ARHGAP29: variants seen among roughly 807,000 people sequenced by gnomAD.
ARHGAP29 encodes rho GTPase-activating protein 29.
ARHGAP29 carries 43 observed loss-of-function variants against 122.6 expected under a neutral mutation model. The ratio of observed to expected loss-of-function variants is 0.35; its 90% CI spans 0.27 to 0.45. ARHGAP29 has a LOEUF of 0.45. Ranked by LOEUF, ARHGAP29 falls within the 20% of genes least tolerant of loss-of-function variation. The pLI is 1.00. For synonymous variants in ARHGAP29, 506 were observed against 497.1 expected (o/e 1.02, Z -0.24); for missense variants, 1,303 against 1,477.2 (o/e 0.88, Z 1.93).
At chr1:94,184,589 A>AT (rs758545472) in intron 18 of ARHGAP29, among the ~76,000 whole-genome samples, 174 of 147,526 alleles carry the variant, frequency 1.2e-3, no homozygotes, top group Middle Eastern at 3.6e-3. Context: ...ACAGAAAAAA[A>AT]TTTTTTTTTT....
chr1:94,260,386 A>G (rs1229642367), intron 1 of ARHGAP29, among the ~76,000 whole-genome samples: 1 of 152,022 alleles, frequency 6.6e-6, no homozygotes, highest in Non-Finnish European at 1.5e-5. Flanking sequence ...GATTTCTTAC[A>G]CTTTCAATTT....
intron 22 of ARHGAP29, among the ~76,000 whole-genome samples, chr1:94,175,361 G>T (rs1231235418): frequency 6.6e-6 from 1 of 152,158 alleles, no homozygotes; most frequent in Non-Finnish European, 1.5e-5. Flanking sequence ...CGAACCCACA[G>T]TCCATGTTTT....
chr1:94,240,306 C>A (rs1218986813), upstream of ARHGAP29, among the ~76,000 whole-genome samples: 2 of 152,124 alleles, frequency 1.3e-5, no homozygotes, highest in African/African-American at 2.4e-5. Flanking sequence ...CCTCTTAAAC[C>A]TTTAAAAAAA....
At chr1:94,284,076 G>T in the ARHGAP29 span, among the ~76,000 whole-genome samples, 3 of 71,738 alleles carry the variant, frequency 4.2e-5, no homozygotes, top group Non-Finnish European at 5.8e-5. Context: ...AAGTTGAAAG[G>T]CAGAAATGGG....
chr1:94,226,844 GATTT>G (rs1488736443), intron 2 of ARHGAP29, among the ~76,000 whole-genome samples: 1 of 151,868 alleles, frequency 6.6e-6, no homozygotes, highest in African/African-American at 2.4e-5. Context: ...CTTCTAAAAA[GATTT>G]ATTTCTAGGA....
intron 12 of ARHGAP29, among the ~76,000 whole-genome samples, chr1:94,200,615 T>C (rs1004447664): frequency 3.3e-5 from 5 of 152,198 alleles, no homozygotes; most frequent in African/African-American, 1.2e-4. Context: ...GCTCTATTCA[T>C]AATCACCCCA....
At chr1:94,283,765 C>T in the ARHGAP29 span, among the ~76,000 whole-genome samples, 1 of 152,106 alleles carries the variant, frequency 6.6e-6, no homozygotes, top group Non-Finnish European at 1.5e-5. Flanking sequence ...AACAAACAAA[C>T]AAGGTGCATT....
chr1:94,264,501 TC>T (rs1221971511), intron 1 of ARHGAP29, among the ~76,000 whole-genome samples: 2 of 152,130 alleles, frequency 1.3e-5, no homozygotes, highest in African/African-American at 4.8e-5. Context: ...GGGCAGTGGT[TC>T]TCCCTAATGC....
Position 94,169,565 on chromosome 1 carries a change from C to CA in ARHGAP29, c.*4303dup, listed in dbSNP as rs1432468715. ...TGAATTGAAGGTGTCAATGTGAACTCAAAGTTTTCAATACGTATGTATATA... is the reference window on the plus strand; with the variant it reads ...TGAATTGAAGGTGTCAATGTGAACTCAAAAGTTTTCAATACGTATGTATATA... On this transcript the variant is annotated 3_prime_UTR_variant, in exon 23 of 23. Coordinates refer to ENST00000260526, the MANE Select transcript of ARHGAP29 (RefSeq NM_004815.4). Among the ~76,000 whole-genome samples the CA allele has an allele frequency of 6.6e-6, 1 of 152,178 alleles. No individual in the cohort carries two copies. The highest frequency in any genetic ancestry group is 1.5e-5 in the Non-Finnish European group (1 of 68,036).
chr1:94,246,129 C>G (rs1653785362), intron 1 of ARHGAP29, among the ~76,000 whole-genome samples: 1 of 152,210 alleles, frequency 6.6e-6, no homozygotes, highest in South Asian at 2.1e-4. Flanking sequence ...CTCTTAAACT[C>G]TTCTCAGAAT....
chr1:94,189,311 A>C lies in ARHGAP29; in HGVS notation c.1481T>G (p.Phe494Cys). 6.2e-7 allele frequency: 1 copy of C among 1,612,646 alleles called. No individual in the cohort carries two copies. Among genetic ancestry groups the C allele is most frequent in the Non-Finnish European group, 8.5e-7 (1 of 1,179,328 alleles). ...ATCCTCTAAAGAGTTGGCAGGTCCA[A>C]ATCCTGAAGGTTGGGAACTATTTAA... The part of the protein sequence containing the change: ...KHLNSSQPSG[F>C]GPANSLEDVV... Residue 494 changes from phenylalanine to cysteine, a missense_variant, in exon 14 of 23, where the codon TTT becomes TGT. Phe to Cys is a radical substitution (Grantham distance 205). Transcript: ENST00000260526.
chr1:94,200,140 C>T (rs1361156430), intron 12 of ARHGAP29, among the ~76,000 whole-genome samples: 1 of 151,818 alleles, frequency 6.6e-6, no homozygotes, highest in East Asian at 1.9e-4. Context: ...AGTTGGATTC[C>T]AACAAAATTA....
At chr1:94,285,700 C>T in the ARHGAP29 span, among the ~76,000 whole-genome samples, 4 of 151,702 alleles carry the variant, frequency 2.6e-5, no homozygotes, top group Non-Finnish European at 5.9e-5. Context: ...CATGGTGAAA[C>T]CCAGTCTCTA....
chr1:94,180,109 G>A, intron 19 of ARHGAP29, 152 bp from the exon 20 acceptor site: 2 of 606,378 alleles, frequency 3.3e-6, no homozygotes, highest in Non-Finnish European at 5.6e-6. Flanking sequence ...GTTTGCTACA[G>A]ATGTGGTCTA....
At chr1:94,224,032 C>T (rs147096815) in intron 2 of ARHGAP29, among the ~76,000 whole-genome samples, 8,636 of 152,210 alleles carry the variant, frequency 0.057, 365 homozygotes, top group Non-Finnish European at 0.087. Context: ...TGGTCTCAAA[C>T]TCCTGACCTC....
chr1:94,185,067 G>T lies in ARHGAP29; in HGVS notation c.1921-7C>A, dbSNP rs1269167171. 5 of 1,602,806 alleles carry T rather than the reference G, an allele frequency of 3.1e-6. No individual in the cohort carries two copies. In the Admixed American group the frequency reaches 6.9e-5, roughly 22 times the overall value. ...GATGACAAACAAGGAGACACTACAA[G>T]AAAATGATAGTTTGAAACTGGTTAA... On this transcript the variant is annotated splice_region_variant and splice_polypyrimidine_tract_variant and intron_variant, in intron 17 of 22. Coordinates refer to ENST00000260526, the MANE Select transcript of ARHGAP29 (RefSeq NM_004815.4).
rs377730679 is a variant in ARHGAP29, at chr1:94,190,033, T to C, written c.1332A>G (p.Ala444=). 1.2e-6 allele frequency: 2 copies of C among 1,613,486 alleles called. No homozygotes were observed. Among genetic ancestry groups the C allele is most frequent in the East Asian group, 2.2e-5 (1 of 44,858 alleles). The change falls in exon 13 of 23, where the codon GCA becomes GCG. Residue 444 remains alanine (A), a synonymous_variant. Transcript: ENST00000260526. ...TATCACAGAGAGACTGTAAACTGTC[T>C]GCAAGGGAAGCAGCCTGCAGATGCT... is the stretch of plus-strand genomic sequence containing the variant. The part of the protein sequence containing the change: ...HMQHLQAASL[A]DSLQSLCDSA...
At chr1:94,278,427 A>G (rs958208581), upstream of ARHGAP29, among the ~76,000 whole-genome samples, 3 of 152,238 alleles carry the variant, frequency 2.0e-5, no homozygotes, top group African/African-American at 7.2e-5. Flanking sequence ...CTACTTACAC[A>G]AAGCCATCAG....
At position 94,172,861 on chromosome 1, in the gene ARHGAP29, A is replaced by G. The variant is rs189443233; in HGVS notation, c.*1008T>C. 264 of 152,630 alleles carry G rather than the reference A, an allele frequency of 1.7e-3. No homozygotes were observed. Among genetic ancestry groups the G allele is most frequent in the African/African-American group, 6.0e-3 (249 of 41,564 alleles). 9.5% of individuals were successfully genotyped at this position (152,630 alleles called of 1,614,324 possible). A position where few individuals can be genotyped will look rare whatever the true frequency, so the allele number is the denominator to read the frequency against. On this transcript the variant is annotated 3_prime_UTR_variant, in exon 23 of 23. Transcript: ENST00000260526. The stretch of plus-strand genomic sequence containing the variant: ...CAAATAATGAGGCTTACTGACCTGT[A>G]CTCTCAGAATCAACTTAAATAAATT...
Sources: allele counts gnomAD v4.1 joint callset (sites outside exome capture counted in the v4.1 genomes callset), GRCh38; gene constraint gnomAD v4.1.1; transcripts MANE v1.5; gene names NCBI Gene and HGNC (gene_info 2026-07-23, HGNC 2026-07-21).